The following SNX29 variants were observed in gnomAD, a reference collection of about 807,000 sequenced individuals.
SNX29 encodes sorting nexin-29.
Under a neutral mutation model 102.1 loss-of-function variants are expected in SNX29, and 78 were observed. That is an observed-to-expected ratio of 0.76 (90% CI 0.64 to 0.92). SNX29 has a LOEUF of 0.92. SNX29 is among the 40% of genes least tolerant of loss of function. The pLI is 0.00. For missense variants in SNX29, 1,280 were observed against 1,061.7 expected, an observed-to-expected ratio of 1.21 and a Z score of -2.86; for synonymous variants, 580 against 414.5, an observed-to-expected ratio of 1.40 and a Z score of -4.85.
intron 9 of SNX29, among the ~76,000 whole-genome samples, chr16:12,063,485 C>T (rs2050879157): frequency 6.7e-6 from 1 of 149,970 alleles, no homozygotes; most frequent in African/African-American, 2.5e-5. Context: ...AGTGATTCTC[C>T]TGCCTCAGCT....
At chr16:11,991,551 A>T (rs1414682972) in intron 1 of SNX29, among the ~76,000 whole-genome samples, 2 of 151,566 alleles carry the variant, frequency 1.3e-5, no homozygotes, top group African/African-American at 2.4e-5. Context: ...ATTTCATTTT[A>T]TTTTATTTTG....
chr16:12,402,822 G>C (rs80113366), intron 17 of SNX29, among the ~76,000 whole-genome samples: 1 of 152,314 alleles, frequency 6.6e-6, no homozygotes, highest in East Asian at 1.9e-4. Flanking sequence ...TGGAAAAGCT[G>C]AAAGAGAGGT....
intron 15 of SNX29, among the ~76,000 whole-genome samples, chr16:12,281,729 A>T (rs1431018114): frequency 1.5e-4 from 23 of 152,106 alleles, no homozygotes; most frequent in Non-Finnish European, 1.5e-5. Flanking sequence ...TTCACAGACA[A>T]AGCTTTGGGA....
At chr16:12,134,745 A>T (rs1230673430) in intron 13 of SNX29, among the ~76,000 whole-genome samples, 2 of 152,198 alleles carry the variant, frequency 1.3e-5, no homozygotes, top group African/African-American at 4.8e-5. Flanking sequence ...CACTGAGGCC[A>T]CCTTGAAGGC....
At chr16:12,543,761 A>C (rs952373781) in intron 20 of SNX29, among the ~76,000 whole-genome samples, 15 of 152,186 alleles carry the variant, frequency 9.9e-5, no homozygotes, top group African/African-American at 3.4e-4. Flanking sequence ...GAGATTTTCC[A>C]AGTTTATTTT....
chr16:12,147,593 G>A (rs1567249837), intron 13 of SNX29, among the ~76,000 whole-genome samples: 1 of 152,182 alleles, frequency 6.6e-6, no homozygotes, highest in African/African-American at 2.4e-5. Flanking sequence ...TGGTGTTTGA[G>A]TTACTTCCGA....
At chr16:12,194,681 C>T (rs914512744) in intron 13 of SNX29, among the ~76,000 whole-genome samples, 7 of 145,548 alleles carry the variant, frequency 4.8e-5, no homozygotes, top group Non-Finnish European at 1.0e-4. Context: ...GGCTGGAGTG[C>T]AGTGGTGTGA....
intron 3 of SNX29, among the ~76,000 whole-genome samples, chr16:12,020,693 G>A (rs1369655452): frequency 6.7e-6 from 1 of 149,646 alleles, no homozygotes; most frequent in Non-Finnish European, 1.5e-5. Context: ...GTGCCATCTC[G>A]GCTCACTGCA....
At chr16:12,259,932 GCTGCCT>G (rs201751382) in intron 14 of SNX29, among the ~76,000 whole-genome samples, 3 of 151,780 alleles carry the variant, frequency 2.0e-5, no homozygotes, top group African/African-American at 7.3e-5. Context: ...CTAATCCCCC[GCTGCCT>G]CTGCCTCTGC....
In SNX29 at chr16:12,096,853, C is replaced by A. The variant is rs2052787950; in HGVS notation, c.1402+17938C>A. 6.6e-6 allele frequency among the ~76,000 whole-genome samples: 1 copy of A among 152,152 alleles called. No individual in the cohort carries two copies. The highest frequency in any genetic ancestry group is 2.4e-5 in the African/African-American group (1 of 41,444). On this transcript the variant is annotated intron_variant, in intron 11 of 20. Transcript: ENST00000566228. The surrounding 1 kb of genome is among the most constrained non-coding windows in gnomAD (Gnocchi z 4.2). ...TCATATAGACCCTGGATTCCTTGCT[C>A]CCAGGAGGGGAAGGAGGAACCGATG...
At chr16:12,459,439 C>T (rs536565029) in intron 18 of SNX29, among the ~76,000 whole-genome samples, 46 of 152,178 alleles carry the variant, frequency 3.0e-4, no homozygotes, top group Middle Eastern at 3.4e-3. Flanking sequence ...TGGAGCGGGA[C>T]CCATAGGGAG....
At chr16:12,252,831 A>T (rs954587959) in intron 14 of SNX29, among the ~76,000 whole-genome samples, 1 of 152,212 alleles carries the variant, frequency 6.6e-6, no homozygotes, top group Non-Finnish European at 1.5e-5. Flanking sequence ...TCCAAGCAGC[A>T]CGGTGCCCAC....
At chr16:12,539,373 A>C (rs1341699914) in intron 20 of SNX29, among the ~76,000 whole-genome samples, 3 of 151,900 alleles carry the variant, frequency 2.0e-5, no homozygotes, top group African/African-American at 7.3e-5. Context: ...CAACCTCTTG[A>C]GGCTGGCGTC....
At chr16:12,034,246 G>T (rs954448353) in intron 4 of SNX29, among the ~76,000 whole-genome samples, 22 of 152,204 alleles carry the variant, frequency 1.4e-4, no homozygotes, top group African/African-American at 5.3e-4. Flanking sequence ...GCATGTGCCA[G>T]GGGAGCCCTG....
At chr16:12,369,946 G>T (rs1358694700) in intron 16 of SNX29, among the ~76,000 whole-genome samples, 1 of 152,232 alleles carries the variant, frequency 6.6e-6, no homozygotes, top group African/African-American at 2.4e-5. Flanking sequence ...GCCAGGCACA[G>T]TGGCTGATGC....
At chr16:12,055,794 T>A (rs890313555) in intron 8 of SNX29, among the ~76,000 whole-genome samples, 4 of 152,268 alleles carry the variant, frequency 2.6e-5, no homozygotes, top group African/African-American at 7.2e-5. Flanking sequence ...TAATCTCATC[T>A]AATAGAAACA....
chr16:12,363,554 C>T (rs959620422), intron 16 of SNX29, among the ~76,000 whole-genome samples: 4 of 152,204 alleles, frequency 2.6e-5, no homozygotes, highest in African/African-American at 7.2e-5. Flanking sequence ...AAACAGTGCT[C>T]TCTGTGCTGG....
chr16:12,554,233 C>G (rs1314008973), intron 20 of SNX29, among the ~76,000 whole-genome samples: 1 of 152,238 alleles, frequency 6.6e-6, no homozygotes, highest in African/African-American at 2.4e-5. Context: ...ACGTGAACAT[C>G]TCCCTCGGCT....
At chr16:12,273,037 G>A (rs974885663) in intron 14 of SNX29, among the ~76,000 whole-genome samples, 1 of 152,154 alleles carries the variant, frequency 6.6e-6, no homozygotes, top group Non-Finnish European at 1.5e-5. Context: ...CAGCTGTGAA[G>A]TGCATGATCG....
Sources: gnomAD v4.1 joint callset for allele counts (sites outside exome capture counted in the v4.1 genomes callset) on GRCh38, gnomAD v4.1.1 for gene constraint, Gnocchi (gnomAD v3.1) non-coding constraint, MANE v1.5 for transcripts, NCBI Gene and HGNC (gene_info 2026-07-23, HGNC 2026-07-21) for gene names.